Variants in PGM2 observed in about 807,000 individuals in gnomAD.
The protein encoded by PGM2 is phosphopentomutase.
Under a neutral mutation model 74.6 loss-of-function variants are expected in PGM2, and 57 were observed. The observed-to-expected ratio is 0.76, with a 90% CI of 0.62 to 0.95. The LOEUF is 0.95. PGM2 is among the 40% of genes least tolerant of loss of function. PGM2 has a pLI of 0.00. For missense variants in PGM2, 706 were observed against 741.9 expected, an observed-to-expected ratio of 0.95 and a Z score of 0.56; for synonymous variants, 273 against 260.7, an observed-to-expected ratio of 1.05 and a Z score of -0.46.
chr4:37,842,206 TATAAA>T (rs1426978059), intron 6 of PGM2, among the ~76,000 whole-genome samples: 1,714 of 129,746 alleles, frequency 0.013, 38 homozygotes, highest in African/African-American at 0.052. Context: ...ATACTATATA[TATAAA>T]ATATATTTTT....
rs1167079759 is a variant in PGM2, at chr4:37,846,967, G to C, written c.1044G>C (p.Gly348=). Residue 348 remains glycine, a synonymous_variant, in exon 9 of 14, where the codon GGG becomes GGC. Transcript: ENST00000381967. ...EWRVFSGNEL[G]ALLGWWLFTS... Reference sequence around the variant, plus strand: ...GGGTGTTTTCAGGCAATGAGTTGGGGGCCCTCCTGGGCTGGTGGCTTTTTA... The same window carrying C: ...GGGTGTTTTCAGGCAATGAGTTGGGCGCCCTCCTGGGCTGGTGGCTTTTTA... 6.2e-7 allele frequency: 1 copy of C among 1,613,630 alleles called. No individual in the cohort carries two copies. Among genetic ancestry groups the C allele is most frequent in the African/African-American group, 1.3e-5 (1 of 74,980 alleles).
At chr4:37,855,416 AC>A (rs1726167301) in intron 12 of PGM2, among the ~76,000 whole-genome samples, 191 bp from the exon 13 acceptor site, 1 of 152,232 alleles carries the variant, frequency 6.6e-6, no homozygotes, top group Non-Finnish European at 1.5e-5. Flanking sequence ...CATATAGTAG[AC>A]CACATATTCA....
intron 7 of PGM2, among the ~76,000 whole-genome samples, chr4:37,844,975 C>CAAA (rs35469320): frequency 1.2e-4 from 11 of 94,288 alleles, no homozygotes; most frequent in African/African-American, 1.9e-4. Context: ...GACTTTGTCT[C>CAAA]AAAAAAAAAA....
At position 37,855,475 on chromosome 4, in the gene PGM2, A is replaced by T. The variant is rs1229941314; in HGVS notation, c.1603-133A>T. 4.1e-6 allele frequency: 3 copies of T among 734,734 alleles called. No homozygotes were observed. In the East Asian group the frequency reaches 8.4e-5, roughly 21 times the overall value. The allele number at this position is 734,734 out of a possible 1,614,324, so 45.5% of individuals were successfully genotyped here. A position where few individuals can be genotyped will look rare whatever the true frequency, so the allele number is the denominator to read the frequency against. ...TCATTCATGTGGAGTACATTTTCTG[A>T]TTTCCTCCAGAATGTTTTTCTTTTC... is the stretch of plus-strand genomic sequence containing the variant. On this transcript the variant is annotated intron_variant, in intron 12 of 13. Transcript: ENST00000381967.
At chr4:37,850,861 C>T (rs1726021122) in intron 12 of PGM2, among the ~76,000 whole-genome samples, 2 of 151,738 alleles carry the variant, frequency 1.3e-5, no homozygotes, top group South Asian at 4.2e-4. Context: ...TGTGGTGGCT[C>T]ATACCTATAA....
intron 12 of PGM2, 37 bp from the exon 13 acceptor site, chr4:37,855,571 T>A: frequency 6.3e-7 from 1 of 1,589,634 alleles, no homozygotes; most frequent in South Asian, 1.1e-5. Flanking sequence ...GCCAGAATGT[T>A]ACTATTTAAA....
At position 37,834,710 on chromosome 4, in the gene PGM2, G is replaced by A; in HGVS notation, c.342G>A (p.Gly114=). The A allele has an allele frequency of 2.0e-6, 3 of 1,492,488 alleles. No individual in the cohort carries two copies. Among genetic ancestry groups the A allele is most frequent in the Non-Finnish European group, 2.8e-6 (3 of 1,076,192 alleles). The allele number at this position is 1,492,488 out of a possible 1,614,324, so 92.5% of individuals were successfully genotyped here. A position where few individuals can be genotyped will look rare whatever the true frequency, so the allele number is the denominator to read the frequency against. Residue 114 remains glycine, a synonymous_variant, in exon 3 of 14, where the codon GGG becomes GGA. Transcript: ENST00000381967. ...ACGCCCGAGCTCATCCATCCAGTGG[G>A]GGTAGCAGCAGAAGGTATTTAAACA... ...SFDARAHPSS[G]GSSRRFARLA...
chr4:37,844,106 T>C (rs1000501602), intron 6 of PGM2, among the ~76,000 whole-genome samples: 1 of 152,150 alleles, frequency 6.6e-6, no homozygotes, highest in Non-Finnish European at 1.5e-5. Flanking sequence ...AGGTTCTTCT[T>C]TGTATCTCAC....
Position 37,834,285 on chromosome 4 carries a change from A to G in PGM2, c.250-333A>G, listed in dbSNP as rs78855391. Among the ~76,000 whole-genome samples the G allele has an allele frequency of 4.0e-3, 614 of 152,028 alleles. 27 individuals carry two copies. In the East Asian group the frequency reaches 0.082, roughly 20 times the overall value. On this transcript the variant is annotated intron_variant, in intron 2 of 13. Coordinates refer to ENST00000381967, the MANE Select transcript of PGM2 (RefSeq NM_018290.4). ...CAGGAATTCAAGGTTGCAGTGAACTATGATTGTGCCATTGCAACTCCAGCC... is the reference window on the plus strand; with the variant it reads ...CAGGAATTCAAGGTTGCAGTGAACTGTGATTGTGCCATTGCAACTCCAGCC...
At chr4:37,826,911 G>T (rs1725307424) in intron 1 of PGM2, 98 bp downstream of exon 1, 1 of 707,798 alleles carries the variant, frequency 1.4e-6, no homozygotes, top group Admixed American at 2.6e-5. Context: ...CTGCCTTCCC[G>T]CCCAGTGCAT....
Position 37,834,706 on chromosome 4 carries a change from G to T in PGM2, c.338G>T (p.Ser113Ile). 6.6e-7 allele frequency: 1 copy of T among 1,515,056 alleles called. No individual in the cohort carries two copies. Among genetic ancestry groups the T allele is most frequent in the Non-Finnish European group, 9.1e-7 (1 of 1,094,082 alleles). The allele number at this position is 1,515,056 out of a possible 1,614,324, so 93.9% of individuals were successfully genotyped here. The change falls in exon 3 of 14, where the codon AGT becomes ATT. Residue 113 changes from serine (S) to isoleucine (I), a missense_variant. By Grantham distance (142) the Ser-to-Ile change is moderately radical. Transcript: ENST00000381967. The stretch of plus-strand genomic sequence containing the variant: ...TTTGACGCCCGAGCTCATCCATCCA[G>T]TGGGGGTAGCAGCAGAAGGTATTTA... The part of the protein sequence containing the change: ...ISFDARAHPS[S>I]GGSSRRFARL...
chr4:37,855,625 A>C lies in PGM2; in HGVS notation c.1620A>C (p.Lys540Asn), dbSNP rs763986282. 1.9e-6 allele frequency: 3 copies of C among 1,613,672 alleles called. No homozygotes were observed. The highest frequency in any genetic ancestry group is 3.3e-5 in the Admixed American group (2 of 59,920). The change falls in exon 13 of 14, where the codon AAA becomes AAC. Residue 540 changes from lysine to asparagine, a missense_variant. Around this residue, in one of 3 missense-constraint regions of PGM2, gnomAD observed 359 missense variants for 371.1 expected, o/e 0.97. Transcript: ENST00000381967. Reference sequence around the variant, plus strand: ...ATTCCTAGGTTCTTCCCACTAGTAAAAGCAGCCAAATGATCACCTTCACCT... The same window carrying C: ...ATTCCTAGGTTCTTCCCACTAGTAACAGCAGCCAAATGATCACCTTCACCT... ...PDKKAVLPTS[K>N]SSQMITFTFA... is the part of the protein sequence containing the mutation.
Position 37,844,437 on chromosome 4 carries a change from T to C in PGM2, c.793T>C (p.Ser265Pro). ...TGGGGTGGGTCATAGCTTTGTGCAG[T>C]CAGCTTTCAAGGCTTTTGACCTTGT... is the stretch of plus-strand genomic sequence containing the variant. ...VHGVGHSFVQSAFKAFDLVPP... is the reference protein window; with the variant it reads ...VHGVGHSFVQPAFKAFDLVPP... Residue 265 changes from serine to proline, a missense_variant, in exon 7 of 14, where the codon TCA becomes CCA. Ser to Pro is a moderately conservative substitution (Grantham distance 74). This residue lies in a region of PGM2 where 332 missense variants were observed against 334.9 expected (regional missense o/e 0.99). Coordinates refer to ENST00000381967, the MANE Select transcript of PGM2 (RefSeq NM_018290.4). 6.2e-7 allele frequency: 1 copy of C among 1,613,740 alleles called. No homozygotes were observed.
intron 13 of PGM2, among the ~76,000 whole-genome samples, chr4:37,860,164 C>T (rs1241831304): frequency 3.3e-5 from 5 of 152,068 alleles, no homozygotes; most frequent in Non-Finnish European, 7.4e-5. Context: ...AGTAAATTCA[C>T]CAAGTTTTAG....
At chr4:37,833,257 C>T (rs146541482) in intron 2 of PGM2, among the ~76,000 whole-genome samples, 63 of 152,214 alleles carry the variant, frequency 4.1e-4, no homozygotes, top group African/African-American at 1.4e-3. Context: ...CCCCTCCTAC[C>T]CAAAATAAAA....
chr4:37,836,153 A>G (rs1725561820), intron 3 of PGM2, among the ~76,000 whole-genome samples: 2 of 152,200 alleles, frequency 1.3e-5, no homozygotes, highest in South Asian at 4.1e-4. Flanking sequence ...ATATGTTAAC[A>G]TTATCAATTA....
intron 13 of PGM2, 96 bp from the exon 14 acceptor site, chr4:37,861,414 T>C: frequency 1.4e-6 from 1 of 736,378 alleles, no homozygotes; most frequent in South Asian, 1.6e-5. Context: ...CTTCTTAAGG[T>C]TATATTTTCA....
intron 6 of PGM2, among the ~76,000 whole-genome samples, chr4:37,842,299 T>C (rs2083522728): frequency 6.6e-6 from 1 of 151,384 alleles, no homozygotes; most frequent in Non-Finnish European, 1.5e-5. Context: ...TAATATTTAT[T>C]AGTCTTATTT....
At chr4:37,827,886 T>A (rs1248902939) in intron 1 of PGM2, among the ~76,000 whole-genome samples, 3 of 152,198 alleles carry the variant, frequency 2.0e-5, no homozygotes, top group African/African-American at 7.2e-5. Flanking sequence ...TCACCCACTT[T>A]CATTGTGCAC....
Sources: allele counts gnomAD v4.1 joint callset (sites outside exome capture counted in the v4.1 genomes callset), GRCh38; gene constraint gnomAD v4.1.1; regional missense constraint gnomAD v4.1.1; transcripts MANE v1.5; gene names NCBI Gene and HGNC (gene_info 2026-07-23, HGNC 2026-07-21).